The following PTPRZ1 variants were observed in gnomAD, a reference collection of about 807,000 sequenced individuals.
PTPRZ1 encodes the protein protein tyrosine phosphatase receptor type Z1.
In PTPRZ1, 82 loss-of-function variants were observed where a neutral mutation model predicts 214.1. The observed-to-expected ratio is 0.38, with a 90% CI of 0.32 to 0.46. The LOEUF (loss-of-function observed/expected upper bound fraction) is 0.46. Among genes scored for constraint, PTPRZ1 ranks in the 20% least tolerant of loss-of-function variants. The pLI is 1.00. For missense variants in PTPRZ1, 2,603 were observed against 2,748.7 expected, an observed-to-expected ratio of 0.95 and a Z score of 1.19; for synonymous variants, 945 against 987.9, an observed-to-expected ratio of 0.96 and a Z score of 0.81.
intron 8 of PTPRZ1, among the ~76,000 whole-genome samples, chr7:121,988,878 G>C (rs1480824633): frequency 6.6e-6 from 1 of 152,150 alleles, no homozygotes; most frequent in African/African-American, 2.4e-5. Flanking sequence ...AAAGCCTTCA[G>C]AAGAATACAG....
chr7:122,025,434 ATTC>A (rs1245422134), intron 13 of PTPRZ1, among the ~76,000 whole-genome samples: 1 of 151,504 alleles, frequency 6.6e-6, no homozygotes, highest in Non-Finnish European at 1.5e-5. Context: ...GGTTCAAGCA[ATTC>A]TTCTGCCTCA....
intron 2 of PTPRZ1, among the ~76,000 whole-genome samples, chr7:121,946,525 A>G (rs1796379731): frequency 6.6e-6 from 1 of 152,318 alleles, no homozygotes; most frequent in South Asian, 2.1e-4. Flanking sequence ...TAGAGCTCCA[A>G]TAAACAGTGG....
intron 1 of PTPRZ1, among the ~76,000 whole-genome samples, chr7:121,925,372 A>G (rs1795723151): frequency 6.6e-6 from 1 of 152,224 alleles, no homozygotes; most frequent in East Asian, 1.9e-4. Context: ...TGTGAGCCTA[A>G]GATTTCATTT....
chr7:121,996,045 C>T (rs929919322), intron 8 of PTPRZ1, among the ~76,000 whole-genome samples: 2 of 151,868 alleles, frequency 1.3e-5, no homozygotes, highest in Non-Finnish European at 2.9e-5. Context: ...AAATACAATA[C>T]GAAAGTATGC....
intron 1 of PTPRZ1, among the ~76,000 whole-genome samples, chr7:121,904,139 C>G (rs1795052106): frequency 6.6e-6 from 1 of 152,120 alleles, no homozygotes; most frequent in South Asian, 2.1e-4. Context: ...TGATAGATCT[C>G]CAAATAATTT....
rs972681006 is a variant in PTPRZ1, at chr7:122,012,220, T to G, written c.3174T>G (p.Ser1058=). ...ATGAGACTGAACTGCAAATTCCTTC[T>G]TTCAATGAGATGGTTTACCCTTCTG... The part of the protein sequence containing the change: ...YGNETELQIP[S]FNEMVYPSES... The change falls in exon 12 of 30, where the codon TCT becomes TCG. Residue 1058 remains serine (S), a synonymous_variant. Coordinates refer to ENST00000393386, the MANE Select transcript of PTPRZ1 (RefSeq NM_002851.3). 1.3e-5 allele frequency: 21 copies of G among 1,613,874 alleles called. No homozygotes were observed. Among genetic ancestry groups the G allele is most frequent in the Non-Finnish European group, 1.5e-5 (18 of 1,179,832 alleles).
chr7:122,041,693 A>G (rs1799737726), intron 21 of PTPRZ1, among the ~76,000 whole-genome samples: 1 of 152,204 alleles, frequency 6.6e-6, no homozygotes, highest in Non-Finnish European at 1.5e-5. Context: ...AGATCACAAA[A>G]ATCAAATTTG....
In PTPRZ1 at chr7:122,010,727, A is replaced by C; in HGVS notation, c.1681A>C (p.Asn561His). The change falls in exon 12 of 30, where the codon AAT (asparagine) becomes CAT (histidine). Residue 561 changes from asparagine to histidine, a missense_variant. This residue lies in a region of PTPRZ1 where 1,913 missense variants were observed against 1,914.3 expected (regional missense o/e 1.00). Transcript: ENST00000393386. ...CTTGTCGGGGACTGCAGAATCCTTAAATACAGTTTCTATAACAGAATATGA... is the reference window on the plus strand; with the variant it reads ...CTTGTCGGGGACTGCAGAATCCTTACATACAGTTTCTATAACAGAATATGA... ...MNLSGTAESL[N>H]TVSITEYEEE... 1 of 1,614,004 alleles carries C rather than the reference A, an allele frequency of 6.2e-7. No homozygotes were observed. The highest frequency in any genetic ancestry group is 1.1e-5 in the South Asian group (1 of 91,042).
chr7:121,913,544 A>G (rs1232110219), intron 1 of PTPRZ1, among the ~76,000 whole-genome samples: 5 of 152,226 alleles, frequency 3.3e-5, no homozygotes, highest in Non-Finnish European at 7.3e-5. Context: ...TTGTGTGTTT[A>G]TAGTCATTGA....
Sources: allele counts gnomAD v4.1 joint callset (sites outside exome capture counted in the v4.1 genomes callset), GRCh38; gene constraint gnomAD v4.1.1; regional missense constraint gnomAD v4.1.1; transcripts MANE v1.5; gene names NCBI Gene and HGNC (gene_info 2026-07-23, HGNC 2026-07-21).